Variants in GJA5 observed in about 807,000 individuals in gnomAD.
The protein encoded by GJA5 is gap junction alpha-5 protein.
Under a neutral mutation model 7.9 loss-of-function variants are expected in GJA5, and 3 were observed. That is an observed-to-expected ratio of 0.38 (90% CI 0.17 to 0.99). The LOEUF is 0.99. Ranked by LOEUF, GJA5 falls within the 50% of genes least tolerant of loss-of-function variation. GJA5 has a pLI of 0.38. For synonymous variants in GJA5, 193 were observed against 181.0 expected (o/e 1.07, Z -0.53); for missense variants, 390 against 457.9 (o/e 0.85, Z 1.35).
At position 147,756,513 on chromosome 1, in the gene GJA5, G is replaced by A. The variant is rs1276017292; in HGVS notation, c.*1649C>T. Reference sequence around the variant, plus strand: ...AAGTGTCAGCAGAGGGCCCAGAGATGGGCAGGTGAGTCAGAGGTTGAACCT... The same window carrying A: ...AAGTGTCAGCAGAGGGCCCAGAGATAGGCAGGTGAGTCAGAGGTTGAACCT... On this transcript the variant is annotated 3_prime_UTR_variant, in exon 2 of 2. Transcript: ENST00000579774. 2.0e-5 allele frequency: 3 copies of A among 152,218 alleles called. No homozygotes were observed. Among genetic ancestry groups the A allele is most frequent in the Non-Finnish European group, 4.4e-5 (3 of 68,056 alleles). The allele number at this position is 152,218 out of a possible 1,614,324, so 9.4% of individuals were successfully genotyped here. A position where few individuals can be genotyped will look rare whatever the true frequency, so the allele number is the denominator to read the frequency against.
Position 147,758,344 on chromosome 1 carries a change from C to G in GJA5, c.895G>C (p.Glu299Gln). The change falls in exon 2 of 2, where the codon GAG becomes CAG. Residue 299 changes from glutamate to glutamine, a missense_variant. Glu to Gln is a conservative substitution (Grantham distance 29). Around this residue, in one of 2 missense-constraint regions of GJA5, gnomAD observed 354 missense variants for 370.9 expected, o/e 0.95. Coordinates refer to ENST00000579774, the MANE Select transcript of GJA5 (RefSeq NM_181703.4). ...SQQNTDNLVTEQVRGQEQTPG... is the reference protein window; with the variant it reads ...SQQNTDNLVTQQVRGQEQTPG... Reference sequence around the variant, plus strand: ...GTCTGCTCCTGACCTCGTACTTGCTCGGTGACCAGGTTGTCTGTGTTTTGT... The same window carrying G: ...GTCTGCTCCTGACCTCGTACTTGCTGGGTGACCAGGTTGTCTGTGTTTTGT... 6.2e-7 allele frequency: 1 copy of G among 1,614,118 alleles called. No homozygotes were observed. Among genetic ancestry groups the G allele is most frequent in the Non-Finnish European group, 8.5e-7 (1 of 1,180,026 alleles).
intron 1 of GJA5, among the ~76,000 whole-genome samples, chr1:147,759,585 C>G (rs2148959737): frequency 6.6e-6 from 1 of 152,314 alleles, no homozygotes; most frequent in South Asian, 2.1e-4. Context: ...TTCAGGAGGT[C>G]TGGGATGGCC....
chr1:147,762,194 T>C (rs1183297642), upstream of GJA5, among the ~76,000 whole-genome samples: 1 of 150,408 alleles, frequency 6.6e-6, no homozygotes, highest in Non-Finnish European at 1.5e-5. Context: ...TAGAGAAAGG[T>C]GCATTACAAA....
intron 1 of GJA5, among the ~76,000 whole-genome samples, chr1:147,771,104 C>G (rs1664381046): frequency 6.6e-6 from 1 of 152,178 alleles, no homozygotes; most frequent in Non-Finnish European, 1.5e-5. Flanking sequence ...AGTTCCTGTC[C>G]TGATTGATCC....
intron 1 of GJA5, among the ~76,000 whole-genome samples, chr1:147,769,038 G>A (rs1173464020): frequency 2.6e-5 from 4 of 152,166 alleles, no homozygotes; most frequent in Middle Eastern, 3.2e-3. Flanking sequence ...GAGACCCAGC[G>A]TTTTTCCTTT....
At chr1:147,762,846 A>G (rs587744166), upstream of GJA5, among the ~76,000 whole-genome samples, 1 of 152,360 alleles carries the variant, frequency 6.6e-6, no homozygotes, top group Admixed American at 6.5e-5. Flanking sequence ...TACTGGGCGT[A>G]TAGCATATAA....
At position 147,758,863 on chromosome 1, in the gene GJA5, G is replaced by C. The variant is rs1553227014; in HGVS notation, c.376C>G (p.Pro126Ala). 1.2e-6 allele frequency: 2 copies of C among 1,614,194 alleles called. No homozygotes were observed. The highest frequency in any genetic ancestry group is 4.5e-5 in the East Asian group (2 of 44,874). Residue 126 changes from proline to alanine, a missense_variant, in exon 2 of 2, where the codon CCG becomes GCG. Physicochemically the swap from Pro to Ala is conservative, Grantham distance 27. Around this residue, in one of 2 missense-constraint regions of GJA5, gnomAD observed 354 missense variants for 370.9 expected, o/e 0.95. Transcript: ENST00000579774. ...GACAGTTCTGCCTTCTCTGCCACCG[G>C]GTACTCGTAAGAGCCAGAGCCCCGG... Reference protein sequence around the residue: ...EVRGSGSYEYPVAEKAELSCW... With the variant: ...EVRGSGSYEYAVAEKAELSCW...
chr1:147,758,959 C>G lies in GJA5; in HGVS notation c.280G>C (p.Gly94Arg), dbSNP rs781905640. 6.2e-7 allele frequency: 1 copy of G among 1,614,186 alleles called. No individual in the cohort carries two copies. Among genetic ancestry groups the G allele is most frequent in the Non-Finnish European group, 8.5e-7 (1 of 1,180,034 alleles). Residue 94 changes from glycine (G) to arginine (R), a missense_variant, in exon 2 of 2, where the codon GGC becomes CGC. Coordinates refer to ENST00000579774, the MANE Select transcript of GJA5 (RefSeq NM_181703.4). ...FVSTPSLVYMGHAMHTVRMQE... is the reference protein window; with the variant it reads ...FVSTPSLVYMRHAMHTVRMQE... ...ATGCGCACAGTGTGCATGGCGTGGC[C>G]CATGTACACCAGAGAGGGCGTGGAG...
intron 1 of GJA5, among the ~76,000 whole-genome samples, chr1:147,766,889 C>T (rs1192155583): frequency 6.6e-6 from 1 of 152,166 alleles, no homozygotes; most frequent in Non-Finnish European, 1.5e-5. Context: ...TAAGAAAATT[C>T]TGTTGTGAAA....
intron 1 of GJA5, among the ~76,000 whole-genome samples, chr1:147,769,554 T>C (rs782053796): frequency 6.6e-6 from 1 of 152,326 alleles, no homozygotes; most frequent in East Asian, 1.9e-4. Flanking sequence ...TTGTTTTCTT[T>C]TCTGACATTT....
chr1:147,771,173 G>A (rs1245097306), intron 1 of GJA5, among the ~76,000 whole-genome samples: 1 of 152,168 alleles, frequency 6.6e-6, no homozygotes, highest in African/African-American at 2.4e-5. Flanking sequence ...GAGACCAGGC[G>A]GCACTGTGGC....
intron 1 of GJA5, among the ~76,000 whole-genome samples, chr1:147,768,445 T>C (rs145011113): frequency 6.6e-6 from 1 of 152,180 alleles, no homozygotes; most frequent in East Asian, 1.9e-4. Flanking sequence ...AATGGAGATA[T>C]TAAATGTCAA....
At chr1:147,763,270 G>A (rs1664085825), upstream of GJA5, among the ~76,000 whole-genome samples, 1 of 152,220 alleles carries the variant, frequency 6.6e-6, no homozygotes, top group Non-Finnish European at 1.5e-5. Flanking sequence ...CAGCAGGAAG[G>A]AGGGGAAACA....
intron 1 of GJA5, among the ~76,000 whole-genome samples, chr1:147,765,693 C>A (rs1664175036): frequency 6.6e-6 from 1 of 152,220 alleles, no homozygotes; most frequent in South Asian, 2.1e-4. Context: ...CTTTAACAGC[C>A]ATGCCTAGGA....
rs781966379 is a variant in GJA5, at chr1:147,758,508, T to C, written c.731A>G (p.His244Arg). Residue 244 changes from histidine (H) to arginine (R), a missense_variant, in exon 2 of 2, where the codon CAC becomes CGC. This residue lies in a region of GJA5 where 354 missense variants were observed against 370.9 expected (regional missense o/e 0.95). Transcript: ENST00000579774. ...IRQRFVKPRQ[H>R]MAKCQLSGPS... ...GCCAGAAAGCTGGCACTTAGCCATG[T>C]GCTGCCGCGGTTTGACAAATCGCTG... 1.9e-6 allele frequency: 3 copies of C among 1,614,172 alleles called. No homozygotes were observed. The highest frequency in any genetic ancestry group is 1.6e-4 in the Middle Eastern group (1 of 6,062).
chr1:147,767,218 G>A (rs1557948953), intron 1 of GJA5, among the ~76,000 whole-genome samples: 1 of 152,130 alleles, frequency 6.6e-6, no homozygotes, highest in East Asian at 1.9e-4. Context: ...ACGTCTTCTA[G>A]TTTACCCAGT....
chr1:147,761,419 T>C (rs1664007971), upstream of GJA5, among the ~76,000 whole-genome samples: 1 of 152,160 alleles, frequency 6.6e-6, no homozygotes, highest in Admixed American at 6.5e-5. Context: ...GAGTTGATTG[T>C]TGCCTTGACA....
At chr1:147,764,193 C>G (rs1321115001), upstream of GJA5, among the ~76,000 whole-genome samples, 2 of 152,134 alleles carry the variant, frequency 1.3e-5, no homozygotes, top group African/African-American at 2.4e-5. Context: ...TAATCATAAA[C>G]TCATAGCCAG....
chr1:147,770,270 C>T (rs1232417994), intron 1 of GJA5, among the ~76,000 whole-genome samples: 1 of 152,158 alleles, frequency 6.6e-6, no homozygotes, highest in Admixed American at 6.5e-5. Flanking sequence ...CCTCACTTTG[C>T]TCACATGTGA....
Sources: allele counts gnomAD v4.1 joint callset (sites outside exome capture counted in the v4.1 genomes callset), GRCh38; gene constraint gnomAD v4.1.1; regional missense constraint gnomAD v4.1.1; transcripts MANE v1.5; gene names NCBI Gene and HGNC (gene_info 2026-07-23, HGNC 2026-07-21).